The following CYP2B6 variants were observed in gnomAD, a reference collection of about 807,000 sequenced individuals.
CYP2B6 encodes cytochrome P450 2B6.
In CYP2B6, 35 loss-of-function variants were observed where a neutral mutation model predicts 43.4. That is an observed-to-expected ratio of 0.81 (90% CI 0.62 to 1.07). CYP2B6 has a LOEUF of 1.07. Ranked by LOEUF, CYP2B6 falls within the 50% of genes least tolerant of loss-of-function variation. The pLI, the probability that CYP2B6 is intolerant of heterozygous loss-of-function variation, is 0.00. For synonymous variants in CYP2B6, 239 were observed against 239.2 expected, an observed-to-expected ratio of 1.00 and a Z score of 0.01; for missense variants, 624 against 632.8, an observed-to-expected ratio of 0.99 and a Z score of 0.15.
rs948833515 is a variant in CYP2B6 at position 41,000,049 on chromosome 19, C to A, written c.172-3952C>A. Among the ~76,000 whole-genome samples, 23 of 152,154 alleles carry A rather than the reference C, an allele frequency of 1.5e-4. 1 individual carries two copies. The highest frequency in any genetic ancestry group is 5.5e-4 in the African/African-American group (23 of 41,462). Reference sequence around the variant, plus strand: ...ATTTTCTCACAGGGAGGACTTGGGGCAAATTGTTTTTGTCGTTGTTATTGT... The same window carrying A: ...ATTTTCTCACAGGGAGGACTTGGGGAAAATTGTTTTTGTCGTTGTTATTGT... On this transcript the variant is annotated intron_variant, in intron 1 of 8. Transcript: ENST00000324071.
chr19:41,006,818 A>G, intron 3 of CYP2B6, 87 bp from the exon 4 acceptor site: 1 of 1,248,772 alleles, frequency 8.0e-7, no homozygotes, highest in Non-Finnish European at 1.2e-6. Flanking sequence ...TTACTGAGTG[A>G]TGGCAGACAA....
chr19:41,014,515 C>G (rs917011065), intron 8 of CYP2B6, among the ~76,000 whole-genome samples: 2 of 152,014 alleles, frequency 1.3e-5, no homozygotes, highest in Non-Finnish European at 2.9e-5. Context: ...CCGTGTTAGC[C>G]AGGATGGTGC....
At chr19:41,008,135 T>G (rs7260538) in intron 4 of CYP2B6, among the ~76,000 whole-genome samples, 95,793 of 151,200 alleles carry the variant, frequency 0.63, 30,968 homozygotes, top group South Asian at 0.74. Flanking sequence ...TCTCCTTATT[T>G]ATTAACCTGG....
At chr19:40,993,165 C>A (rs1243193026) in intron 1 of CYP2B6, among the ~76,000 whole-genome samples, 2 of 152,142 alleles carry the variant, frequency 1.3e-5, no homozygotes, top group African/African-American at 4.8e-5. Flanking sequence ...TAGAGACATT[C>A]ATTTGTAGTT....
chr19:40,992,113 A>AAT (rs1264761523), intron 1 of CYP2B6, among the ~76,000 whole-genome samples: 4 of 151,138 alleles, frequency 2.6e-5, no homozygotes, highest in African/African-American at 7.4e-5. Context: ...GAGGAAGGAG[A>AAT]ATCACTTGAA....
intron 6 of CYP2B6, among the ~76,000 whole-genome samples, chr19:41,011,911 T>C (rs1173147966): frequency 1.3e-5 from 2 of 152,132 alleles, no homozygotes; most frequent in African/African-American, 4.8e-5. Context: ...CATTGGTCAA[T>C]AGAAAGTAGT....
chr19:41,013,090 G>A (rs967292407), intron 8 of CYP2B6: 3 of 454,552 alleles, frequency 6.6e-6, no homozygotes, highest in African/African-American at 6.0e-5. Context: ...GAAAAAATCT[G>A]TTGGGCACCA....
At chr19:41,008,898 A>G (rs1432330361) in intron 4 of CYP2B6, among the ~76,000 whole-genome samples, 1 of 151,640 alleles carries the variant, frequency 6.6e-6, no homozygotes, top group Non-Finnish European at 1.5e-5. Context: ...AAGTATGAGA[A>G]AGACAAATAA....
At chr19:41,009,711 G>A (rs1299252359) in intron 5 of CYP2B6, 2 of 595,468 alleles carry the variant, frequency 3.4e-6, no homozygotes, top group Admixed American at 6.0e-5. Flanking sequence ...ACAGCAACAA[G>A]AGAAAAAACT....
chr19:40,991,318 G>A lies in CYP2B6; in HGVS notation c.13G>A (p.Val5Ile), dbSNP rs147304516. The change falls in exon 1 of 9, where the codon GTC (valine) becomes ATC (isoleucine). Residue 5 changes from valine to isoleucine, a missense_variant. Val to Ile is a conservative substitution (Grantham distance 29, BLOSUM62 3). Transcript: ENST00000324071. MELS[V>I]LLFLALLTGL... ...TCAGACCAGGACCATGGAACTCAGCGTCCTCCTCTTCCTTGCACTCCTCAC... is the reference window on the plus strand; with the variant it reads ...TCAGACCAGGACCATGGAACTCAGCATCCTCCTCTTCCTTGCACTCCTCAC... 63 of 1,614,058 alleles carry A rather than the reference G, an allele frequency of 3.9e-5. No individual in the cohort carries two copies. The highest frequency in any genetic ancestry group is 3.3e-4 in the Middle Eastern group (2 of 6,062).
chr19:40,993,777 A>G (rs1434394990), intron 1 of CYP2B6, among the ~76,000 whole-genome samples: 1 of 152,148 alleles, frequency 6.6e-6, no homozygotes, highest in Non-Finnish European at 1.5e-5. Flanking sequence ...GTCTAGAGAA[A>G]CAGCAGTGTC....
At chr19:41,013,291 A>T (rs1220800919) in intron 8 of CYP2B6, among the ~76,000 whole-genome samples, 1 of 152,248 alleles carries the variant, frequency 6.6e-6, no homozygotes, top group Non-Finnish European at 1.5e-5. Context: ...CACAAAGGAC[A>T]TGCTCACAAG....
chr19:40,991,340 T>G lies in CYP2B6; in HGVS notation c.35T>G (p.Leu12Arg), dbSNP rs780323453. The G allele has an allele frequency of 3.1e-6, 5 of 1,614,082 alleles. No homozygotes were observed. Among genetic ancestry groups the G allele is most frequent in the African/African-American group, 1.3e-5 (1 of 74,962 alleles). Reference sequence around the variant, plus strand: ...AGCGTCCTCCTCTTCCTTGCACTCCTCACAGGACTCTTGCTACTCCTGGTT... The same window carrying G: ...AGCGTCCTCCTCTTCCTTGCACTCCGCACAGGACTCTTGCTACTCCTGGTT... Reference protein sequence around the residue: ...ELSVLLFLALLTGLLLLLVQR... With the variant: ...ELSVLLFLALRTGLLLLLVQR... Residue 12 changes from leucine (L) to arginine (R), a missense_variant, in exon 1 of 9, where the codon CTC (leucine) becomes CGC (arginine). Coordinates refer to ENST00000324071, the MANE Select transcript of CYP2B6 (RefSeq NM_000767.5).
rs187663304 is a variant in CYP2B6, at chr19:41,004,506, A to G, written c.484+60A>G. 1.5e-4 allele frequency: 231 copies of G among 1,582,644 alleles called. No homozygotes were observed. The African/African-American group carries it at 2.6e-3, about 18-fold the overall frequency. On this transcript the variant is annotated intron_variant, in intron 3 of 8. Coordinates refer to ENST00000324071, the MANE Select transcript of CYP2B6 (RefSeq NM_000767.5). ...ATGAAACACTGAGAGATGCAGGTGC[A>G]CGGGAATAGAAAGACAGAGAGGTAT... is the stretch of plus-strand genomic sequence containing the variant.
At chr19:40,992,651 C>T (rs1399267103) in intron 1 of CYP2B6, among the ~76,000 whole-genome samples, 1 of 152,060 alleles carries the variant, frequency 6.6e-6, no homozygotes, top group African/African-American at 2.4e-5. Context: ...CCCCAAGTAG[C>T]TGGAACTACA....
chr19:40,991,986 G>T (rs1968926109), intron 1 of CYP2B6, among the ~76,000 whole-genome samples: 1 of 152,012 alleles, frequency 6.6e-6, no homozygotes, highest in African/African-American at 2.4e-5. Flanking sequence ...TGGATCACCT[G>T]AGGTCAGGAG....
In CYP2B6 at chr19:41,017,600, G is replaced by C. The variant is rs1477775437; in HGVS notation, c.*773G>C. ...TTCTCCTGCCTCAGCCTCTGGAGGA[G>C]CTGGTATCACAGGCGTCCCCCACCA... is the stretch of plus-strand genomic sequence containing the variant. On this transcript the variant is annotated 3_prime_UTR_variant, in exon 9 of 9. Transcript: ENST00000324071. 1 of 152,070 alleles carries C rather than the reference G, an allele frequency of 6.6e-6. No homozygotes were observed. The highest frequency in any genetic ancestry group is 6.6e-5 in the Admixed American group (1 of 15,264). The allele number at this position is 152,070 out of a possible 1,614,324, so 9.4% of individuals were successfully genotyped here. A position where few individuals can be genotyped will look rare whatever the true frequency, so the allele number is the denominator to read the frequency against.
At chr19:41,010,320 T>C in intron 6 of CYP2B6, among the ~76,000 whole-genome samples, 185 bp downstream of exon 6, 1 of 152,226 alleles carries the variant, frequency 6.6e-6, no homozygotes, top group East Asian at 1.9e-4. Context: ...ATGAAGAATC[T>C]GTCCATGCGT....
chr19:40,995,398 C>T (rs59243457), intron 1 of CYP2B6, among the ~76,000 whole-genome samples: 46,132 of 151,940 alleles, frequency 0.3, 7,638 homozygotes, highest in African/African-American at 0.41. Flanking sequence ...CATTGTCCTT[C>T]CCAATGGAGT....
Sources: gnomAD v4.1 joint callset for allele counts (sites outside exome capture counted in the v4.1 genomes callset) on GRCh38, gnomAD v4.1.1 for gene constraint, MANE v1.5 for transcripts, NCBI Gene and HGNC (gene_info 2026-07-23, HGNC 2026-07-21) for gene names.